Variants in SGCB observed in about 807,000 individuals in gnomAD.
SGCB encodes the protein sarcoglycan beta.
In SGCB, 25 loss-of-function variants were observed where a neutral mutation model predicts 27.3. The observed-to-expected ratio is 0.92, with a 90% CI of 0.67 to 1.28. The LOEUF is 1.28. Ranked by LOEUF, SGCB falls within the 50% of genes most tolerant of loss-of-function variation. SGCB has a pLI of 0.00. For synonymous variants in SGCB, 147 were observed against 133.5 expected (o/e 1.10, Z -0.70); for missense variants, 436 against 402.1 (o/e 1.08, Z -0.72).
chr4:52,024,742 G>A (rs1737042446), intron 5 of SGCB, among the ~76,000 whole-genome samples: 1 of 145,260 alleles, frequency 6.9e-6, no homozygotes, highest in Non-Finnish European at 1.5e-5. Context: ...GAAGGAGAAT[G>A]GCGTGAACCC....
At chr4:52,029,468 T>C (rs965403429) in intron 3 of SGCB, among the ~76,000 whole-genome samples, 2 of 152,154 alleles carry the variant, frequency 1.3e-5, no homozygotes, top group Non-Finnish European at 2.9e-5. Flanking sequence ...TTTTAACAGA[T>C]GATAAAAGCA....
At chr4:52,035,504 G>C (rs527716817) in intron 1 of SGCB, among the ~76,000 whole-genome samples, 2 of 152,274 alleles carry the variant, frequency 1.3e-5, no homozygotes, top group Admixed American at 6.5e-5. Context: ...GGGCCAGGTT[G>C]TGAAGGTTCT....
intron 1 of SGCB, among the ~76,000 whole-genome samples, chr4:52,036,324 C>A (rs1560569731): frequency 6.6e-6 from 1 of 152,024 alleles, no homozygotes; most frequent in Admixed American, 6.6e-5. Flanking sequence ...ATTTTGGTCA[C>A]TTTATGTGGA....
chr4:52,026,337 C>A (rs1737095494), intron 5 of SGCB, among the ~76,000 whole-genome samples: 1 of 139,156 alleles, frequency 7.2e-6, no homozygotes, highest in South Asian at 2.3e-4. Context: ...GGGTTCACTG[C>A]AATCTCTGCC....
intron 2 of SGCB, among the ~76,000 whole-genome samples, chr4:52,032,430 T>C (rs1313665256): frequency 6.6e-6 from 1 of 152,246 alleles, no homozygotes; most frequent in African/African-American, 2.4e-5. Flanking sequence ...TTCAAAGATA[T>C]TTCTGTTTCG....
At chr4:52,026,901 ATTC>A (rs1485959485) in intron 5 of SGCB, among the ~76,000 whole-genome samples, 1 of 152,220 alleles carries the variant, frequency 6.6e-6, no homozygotes, top group African/African-American at 2.4e-5. Context: ...TACTGTGGCT[ATTC>A]TTCAACAGTG....
At chr4:52,028,481 C>A (rs1737165991) in intron 4 of SGCB, among the ~76,000 whole-genome samples, 1 of 152,048 alleles carries the variant, frequency 6.6e-6, no homozygotes. Context: ...ACTAAAAATA[C>A]AAAACTTAGC....
At chr4:52,028,524 T>C (rs1737167196) in intron 4 of SGCB, among the ~76,000 whole-genome samples, 1 of 151,948 alleles carries the variant, frequency 6.6e-6, no homozygotes, top group Admixed American at 6.6e-5. Flanking sequence ...TAGTCCCAGC[T>C]ACACGGGAGG....
chr4:52,038,128 G>A, intron 1 of SGCB, 99 bp downstream of exon 1: 1 of 637,196 alleles, frequency 1.6e-6, no homozygotes, highest in Non-Finnish European at 1.8e-6. Flanking sequence ...CCTGCGGCCC[G>A]CGCCCCCCGC....
chr4:52,027,562 T>C (rs1036766817), intron 5 of SGCB, among the ~76,000 whole-genome samples: 1 of 151,040 alleles, frequency 6.6e-6, no homozygotes, highest in African/African-American at 2.4e-5. Context: ...ATATTTACTT[T>C]GATCTTCCAG....
rs1296865393 is a variant in SGCB, at chr4:52,024,051, C to A, written c.863G>T (p.Cys288Phe). Residue 288 changes from cysteine to phenylalanine, a missense_variant, in exon 6 of 6, where the codon TGC becomes TTC. Physicochemically the swap from Cys to Phe is radical, Grantham distance 205 (BLOSUM62 -2). Coordinates refer to ENST00000381431, the MANE Select transcript of SGCB (RefSeq NM_000232.5). Reference sequence around the variant, plus strand: ...GAAGAGCGTCCCATCAGCACACATGCAGAGCTTGTAGCGTACCCAGTCACC... The same window carrying A: ...GAAGAGCGTCCCATCAGCACACATGAAGAGCTTGTAGCGTACCCAGTCACC... ...GSGDWVRYKL[C>F]MCADGTLFKV... 3 of 1,613,966 alleles carry A rather than the reference C, an allele frequency of 1.9e-6. No individual in the cohort carries two copies. Among genetic ancestry groups the A allele is most frequent in the Non-Finnish European group, 2.5e-6 (3 of 1,180,014 alleles).
At chr4:52,037,236 T>G (rs1161370913) in intron 1 of SGCB, among the ~76,000 whole-genome samples, 1 of 152,332 alleles carries the variant, frequency 6.6e-6, no homozygotes, top group South Asian at 2.1e-4. Context: ...CTATTGTCTT[T>G]AGCTGATTTT....
chr4:52,024,305 T>C (rs1737030679), intron 5 of SGCB, 145 bp from the exon 6 acceptor site: 14 of 658,410 alleles, frequency 2.1e-5, no homozygotes, highest in South Asian at 1.8e-4. Context: ...ACAGCAACAA[T>C]AAAAAACAAA....
chr4:52,036,629 T>G (rs1335014787), intron 1 of SGCB, among the ~76,000 whole-genome samples: 1 of 152,142 alleles, frequency 6.6e-6, no homozygotes, highest in Admixed American at 6.5e-5. Context: ...AGCTGAAGTC[T>G]GGGGAAAGGT....
chr4:52,028,158 T>C, intron 4 of SGCB, 59 bp from the exon 5 acceptor site: 2 of 1,354,868 alleles, frequency 1.5e-6, no homozygotes, highest in Non-Finnish European at 2.1e-6. Context: ...AGAATTGTTA[T>C]CAGAGATAGA....
intron 4 of SGCB, among the ~76,000 whole-genome samples, chr4:52,028,320 T>C (rs1737159198): frequency 6.6e-6 from 1 of 152,172 alleles, no homozygotes; most frequent in Non-Finnish European, 1.5e-5. Flanking sequence ...TTCTGGAATA[T>C]ATTCTTTTAT....
chr4:52,036,306 G>A (rs543527534), intron 1 of SGCB, among the ~76,000 whole-genome samples: 2 of 152,298 alleles, frequency 1.3e-5, no homozygotes, highest in Admixed American at 1.3e-4. Flanking sequence ...CCATCTCTGG[G>A]AGAACTAATT....
intron 1 of SGCB, among the ~76,000 whole-genome samples, chr4:52,034,378 G>T (rs7699529): frequency 0.66 from 77,543 of 116,702 alleles, 26,250 homozygotes; most frequent in Middle Eastern, 0.77. Context: ...AAAAAAAAAG[G>T]GAATGGTTGC....
intron 1 of SGCB, among the ~76,000 whole-genome samples, chr4:52,037,309 T>G (rs1430357837): frequency 6.6e-6 from 1 of 152,218 alleles, no homozygotes; most frequent in Non-Finnish European, 1.5e-5. Context: ...GTCTTTTATC[T>G]TCAGAATGAG....
Sources: gnomAD v4.1 joint callset for allele counts (sites outside exome capture counted in the v4.1 genomes callset) on GRCh38, gnomAD v4.1.1 for gene constraint, MANE v1.5 for transcripts, NCBI Gene and HGNC (gene_info 2026-07-23, HGNC 2026-07-21) for gene names.